The following TM7SF3 variants were observed in gnomAD, a reference collection of about 807,000 sequenced individuals.
TM7SF3 encodes the protein seven span transmembrane protein.
Under a neutral mutation model 65.5 loss-of-function variants are expected in TM7SF3, and 60 were observed. The ratio of observed to expected loss-of-function variants is 0.92; its 90% CI spans 0.74 to 1.14. TM7SF3 has a LOEUF of 1.14. TM7SF3 is among the 50% of genes most tolerant of loss of function. The probability of loss-of-function intolerance (pLI) is 0.00; values close to 1 mark genes in which losing one functional copy is unlikely to be tolerated. For synonymous variants in TM7SF3, 264 were observed against 259.6 expected (o/e 1.02, Z -0.16); for missense variants, 623 against 684.8 (o/e 0.91, Z 1.01).
At chr12:26,994,326 G>T (rs950169299) in intron 5 of TM7SF3, among the ~76,000 whole-genome samples, 1 of 152,046 alleles carries the variant, frequency 6.6e-6, no homozygotes, top group African/African-American at 2.4e-5. Flanking sequence ...ATAAAATCCT[G>T]CCCTCCACAA....
intron 5 of TM7SF3, among the ~76,000 whole-genome samples, chr12:26,994,323 C>A (rs1260049707): frequency 6.6e-6 from 1 of 152,074 alleles, no homozygotes; most frequent in Non-Finnish European, 1.5e-5. Context: ...AAGATAAAAT[C>A]CTGCCCTCCA....
chr12:27,011,906 A>T (rs1274180229), intron 1 of TM7SF3, among the ~76,000 whole-genome samples: 2 of 152,232 alleles, frequency 1.3e-5, no homozygotes, highest in African/African-American at 4.8e-5. Context: ...TAACTTTTGT[A>T]TAAAAATTTC....
chr12:27,012,614 A>G (rs1284980130), intron 1 of TM7SF3: 2 of 455,906 alleles, frequency 4.4e-6, no homozygotes, highest in Admixed American at 4.7e-5. Flanking sequence ...TTTTATATTA[A>G]CAAACCATGA....
chr12:26,974,388 T>TCA, intron 11 of TM7SF3, among the ~76,000 whole-genome samples, 161 bp from the exon 12 acceptor site: 1 of 152,284 alleles, frequency 6.6e-6, no homozygotes, highest in South Asian at 2.1e-4. Flanking sequence ...AACCAAGGAA[T>TCA]CAGTAGGGAA....
Position 26,996,925 on chromosome 12 carries a change from A to G in TM7SF3, c.398-63T>C, listed in dbSNP as rs956815985. 3 of 1,524,842 alleles carry G rather than the reference A, an allele frequency of 2.0e-6. No individual in the cohort carries two copies. The African/African-American group carries it at 4.2e-5, about 22-fold the overall frequency. The allele number at this position is 1,524,842 out of a possible 1,614,324, so 94.5% of individuals were successfully genotyped here. A position where few individuals can be genotyped will look rare whatever the true frequency, so the allele number is the denominator to read the frequency against. ...CCTACATATCCAAATCATACTCAGA[A>G]AAACAGAACTCTATCTACTCTTACA... On this transcript the variant is annotated intron_variant, in intron 3 of 11. Transcript: ENST00000343028.
At chr12:26,982,700 TC>T in intron 7 of TM7SF3, 72 bp downstream of exon 7, 1 of 1,014,738 alleles carries the variant, frequency 9.9e-7, no homozygotes, top group South Asian at 1.7e-5. Flanking sequence ...GTGCTTACTC[TC>T]CTCACAGGTC....
At chr12:26,988,178 G>C (rs563976305) in intron 6 of TM7SF3, among the ~76,000 whole-genome samples, 5 of 152,066 alleles carry the variant, frequency 3.3e-5, no homozygotes, top group South Asian at 2.1e-4. Flanking sequence ...ATTTGTTGAC[G>C]GGGAGACGGG....
intron 11 of TM7SF3, 66 bp downstream of exon 11, chr12:26,975,430 G>C: frequency 6.4e-7 from 1 of 1,561,020 alleles, no homozygotes; most frequent in Non-Finnish European, 8.8e-7. Flanking sequence ...AAGTGCTCTG[G>C]TTAGCATAGG....
chr12:26,988,672 T>TGTGTGTG (rs1940206873), intron 6 of TM7SF3, among the ~76,000 whole-genome samples: 1 of 146,228 alleles, frequency 6.8e-6, no homozygotes, highest in Non-Finnish European at 1.5e-5. Flanking sequence ...GAGAAGAAAA[T>TGTGTGTG]TGTGTGTGTG....
intron 7 of TM7SF3, 44 bp downstream of exon 7, chr12:26,982,728 GA>G (rs757034446): frequency 7.1e-7 from 1 of 1,417,520 alleles, no homozygotes; most frequent in South Asian, 1.3e-5. Context: ...CAGCAACACT[GA>G]AAAGACTGCA....
At chr12:26,993,875 G>A (rs1940479887) in intron 5 of TM7SF3, among the ~76,000 whole-genome samples, 1 of 152,206 alleles carries the variant, frequency 6.6e-6, no homozygotes, top group Admixed American at 6.5e-5. Context: ...TTTGCTGTAA[G>A]AGTCTCCTCC....
intron 6 of TM7SF3, among the ~76,000 whole-genome samples, chr12:26,984,039 C>T (rs1284366168): frequency 1.3e-5 from 2 of 152,136 alleles, no homozygotes; most frequent in African/African-American, 4.8e-5. Flanking sequence ...ACCATGAAGA[C>T]ATACAGTAAA....
rs1338096869 is a variant in TM7SF3, at chr12:27,014,134, A to G, written c.35T>C (p.Leu12Pro). The change falls in exon 1 of 12, where the codon CTG becomes CCG. Residue 12 changes from leucine (L) to proline (P), a missense_variant. Transcript: ENST00000343028. The stretch of plus-strand genomic sequence containing the variant: ...ACCAGCCACCCGGTGTTCGGATGCC[A>G]GCACCGCTACGACCAGCAGCTGCAG... ...GFLQLLVVAV[L>P]ASEHRVAGAA... 1 of 1,569,336 alleles carries G rather than the reference A, an allele frequency of 6.4e-7. No individual in the cohort carries two copies. The highest frequency in any genetic ancestry group is 1.9e-5 in the Admixed American group (1 of 52,984).
chr12:27,006,144 T>C (rs113487411), intron 1 of TM7SF3, among the ~76,000 whole-genome samples: 2,027 of 145,948 alleles, frequency 0.014, 42 homozygotes, highest in African/African-American at 0.048. Flanking sequence ...CTTTTTCTTT[T>C]TTTTTTTTTT....
At position 27,014,095 on chromosome 12, in the gene TM7SF3, A is replaced by T; in HGVS notation, c.74T>A (p.Phe25Tyr). ...GACCTTACCCTCGCTGGAATTCCCG[A>T]AGACCTCGGCTGCACCAGCCACCCG... is the stretch of plus-strand genomic sequence containing the variant. Reference protein sequence around the residue: ...EHRVAGAAEVFGNSSEGLIEF... With the variant: ...EHRVAGAAEVYGNSSEGLIEF... The change falls in exon 1 of 12, where the codon TTC becomes TAC. Residue 25 changes from phenylalanine to tyrosine, a missense_variant. Physicochemically the swap from Phe to Tyr is conservative, Grantham distance 22. Coordinates refer to ENST00000343028, the MANE Select transcript of TM7SF3 (RefSeq NM_016551.3). The T allele has an allele frequency of 6.4e-7, 1 of 1,571,420 alleles. No individual in the cohort carries two copies. The highest frequency in any genetic ancestry group is 8.6e-7 in the Non-Finnish European group (1 of 1,158,068).
chr12:26,977,232 C>A (rs7958443), intron 9 of TM7SF3, among the ~76,000 whole-genome samples: 128,946 of 152,252 alleles, frequency 0.85, 54,702 homozygotes, highest in Non-Finnish European at 0.88. Context: ...CTTATAGATT[C>A]TATTCTCTAG....
Position 26,985,686 on chromosome 12 carries a change from C to A in TM7SF3, c.869-2827G>T, listed in dbSNP as rs1363764531. Among the ~76,000 whole-genome samples the A allele has an allele frequency of 2.0e-4, 26 of 129,710 alleles. 1 individual carries two copies. Among genetic ancestry groups the A allele is most frequent in the Non-Finnish European group, 6.4e-5 (4 of 62,626 alleles). The allele number at this position is 129,710 out of a possible 152,430, so 85.1% of individuals were successfully genotyped here. ...ATATATATATATATATATACACACA[C>A]ACAAACATATCTGCCAAGGTCTCTT... On this transcript the variant is annotated intron_variant, in intron 6 of 11. Coordinates refer to ENST00000343028, the MANE Select transcript of TM7SF3 (RefSeq NM_016551.3).
At chr12:27,002,765 T>A (rs1940884179) in intron 2 of TM7SF3, among the ~76,000 whole-genome samples, 1 of 152,206 alleles carries the variant, frequency 6.6e-6, no homozygotes, top group Non-Finnish European at 1.5e-5. Flanking sequence ...CAGGGCTGGA[T>A]GAACTGAGCA....
intron 4 of TM7SF3, among the ~76,000 whole-genome samples, chr12:26,995,767 C>A (rs1940565682): frequency 6.6e-6 from 1 of 152,158 alleles, no homozygotes; most frequent in African/African-American, 2.4e-5. Flanking sequence ...TGTGTGGACA[C>A]AATGACAACC....
Sources: allele counts gnomAD v4.1 joint callset (sites outside exome capture counted in the v4.1 genomes callset), GRCh38; gene constraint gnomAD v4.1.1; transcripts MANE v1.5; gene names NCBI Gene and HGNC (gene_info 2026-07-23, HGNC 2026-07-21).